RECQL4: variants seen among roughly 807,000 people sequenced by gnomAD.
RECQL4 encodes the protein ATP-dependent DNA helicase Q4.
Under a neutral mutation model 128.6 loss-of-function variants are expected in RECQL4, and 158 were observed. The ratio of observed to expected loss-of-function variants is 1.23; its 90% CI spans 1.08 to 1.40. The LOEUF (loss-of-function observed/expected upper bound fraction) is 1.40. RECQL4 is among the 40% of genes most tolerant of loss of function. The pLI is 0.00. For missense variants in RECQL4, 2,293 were observed against 1,649.8 expected (o/e 1.39, Z -6.75); for synonymous variants, 996 against 678.9 (o/e 1.47, Z -7.26).
At chr8:144,517,015 A>T in intron 4 of RECQL4, 35 bp downstream of exon 4, 1 of 1,590,400 alleles carries the variant, frequency 6.3e-7, no homozygotes, top group Non-Finnish European at 8.6e-7. Flanking sequence ...GCAGCTGTGG[A>T]CCTAGCGTGG....
rs767197754 is a variant in RECQL4 at position 144,513,045 on chromosome 8, A to C, written c.2557T>G (p.Cys853Gly). 1 of 1,578,470 alleles carries C rather than the reference A, an allele frequency of 6.3e-7. No homozygotes were observed. Among genetic ancestry groups the C allele is most frequent in the South Asian group, 1.2e-5 (1 of 86,718 alleles). ...KRLVQRVFPA[C>G]TCTCTRPPSE... ...GGCGGCCTGGTGCAGGTGCAGGTGC[A>C]GGCTGGGAACACGCGCTGTACCAGC... is the stretch of plus-strand genomic sequence containing the variant. The change falls in exon 15 of 21, where the codon TGC (cysteine) becomes GGC (glycine). Residue 853 changes from cysteine to glycine, a missense_variant. Coordinates refer to ENST00000617875, the MANE Select transcript of RECQL4 (RefSeq NM_004260.4).
rs754354054 is a variant in RECQL4, at chr8:144,515,359, G to A, written c.1357C>T (p.Leu453Phe). The A allele has an allele frequency of 3.7e-6, 6 of 1,612,788 alleles. No individual in the cohort carries two copies. Among genetic ancestry groups the A allele is most frequent in the Non-Finnish European group, 5.1e-6 (6 of 1,179,846 alleles). Residue 453 changes from leucine (L) to phenylalanine (F), a missense_variant, in exon 7 of 21, where the codon CTC becomes TTC. By Grantham distance (22) the Leu-to-Phe change is conservative. Coordinates refer to ENST00000617875, the MANE Select transcript of RECQL4 (RefSeq NM_004260.4). ...VPSLDPTVLP[L>F]YSLGPSGQLA... is the part of the protein sequence containing the mutation. ...TGCCCTGAGGGCCCCAGGGAGTAGAGTGGCAGCACGGTGGGGTCCAGGCTG... is the reference window on the plus strand; with the variant it reads ...TGCCCTGAGGGCCCCAGGGAGTAGAATGGCAGCACGGTGGGGTCCAGGCTG...
chr8:144,514,825 C>T lies in RECQL4; in HGVS notation c.1620+111G>A, dbSNP rs1038490571. 5 of 1,378,680 alleles carry T rather than the reference C, an allele frequency of 3.6e-6. No homozygotes were observed. In the South Asian group the frequency reaches 5.3e-5, roughly 15 times the overall value. The allele number at this position is 1,378,680 out of a possible 1,614,324, so 85.4% of individuals were successfully genotyped here. ...AGACTGGGACTGAGGCCACAGACAC[C>T]TTGAAGCTCCCAGGGGAGGGGGTGG... On this transcript the variant is annotated intron_variant, in intron 9 of 20. Coordinates refer to ENST00000617875, the MANE Select transcript of RECQL4 (RefSeq NM_004260.4).
rs1827154845 is a variant in RECQL4 at position 144,511,323 on chromosome 8, G to A, written c.*108C>T. 6.4e-7 allele frequency: 1 copy of A among 1,560,218 alleles called. No homozygotes were observed. ...GTGAGCATTTTTTATTCTGCATTTTGGAGCCTCCTCGTTCCCACACCCTGT... is the reference window on the plus strand; with the variant it reads ...GTGAGCATTTTTTATTCTGCATTTTAGAGCCTCCTCGTTCCCACACCCTGT... On this transcript the variant is annotated 3_prime_UTR_variant, in exon 21 of 21. Transcript: ENST00000617875.
At chr8:144,515,948 A>T in intron 5 of RECQL4, 40 bp downstream of exon 5, 1 of 1,611,584 alleles carries the variant, frequency 6.2e-7, no homozygotes, top group South Asian at 1.1e-5. Context: ...GGCTGAGGGG[A>T]GGGAAAGGGA....
chr8:144,511,681 C>G lies in RECQL4; in HGVS notation c.3502G>C (p.Gly1168Arg), dbSNP rs781543298. ...RAVARIFHGI[G>R]SPCYPAQVYG... is the part of the protein sequence containing the mutation. Reference sequence around the variant, plus strand: ...GCGGGTGGGGCCTCCCAGGCCTCACCGATGCCGTGGAAGATGCGGGCCACA... The same window carrying G: ...GCGGGTGGGGCCTCCCAGGCCTCACGGATGCCGTGGAAGATGCGGGCCACA... The change falls in exon 20 of 21, where the codon GGA (glycine) becomes CGA (arginine). Residue 1168 changes from glycine to arginine, a missense_variant and splice_region_variant. Physicochemically the swap from Gly to Arg is moderately radical, Grantham distance 125 (BLOSUM62 -2). Coordinates refer to ENST00000617875, the MANE Select transcript of RECQL4 (RefSeq NM_004260.4). The G allele has an allele frequency of 3.7e-6, 6 of 1,612,258 alleles. No individual in the cohort carries two copies. The East Asian group carries it at 6.7e-5, about 18-fold the overall frequency.
In RECQL4 at chr8:144,513,197, G is replaced by GT. The variant is rs1488596135; in HGVS notation, c.2463+20dup. 5.9e-6 allele frequency: 9 copies of GT among 1,515,824 alleles called. No homozygotes were observed. In the African/African-American group the frequency reaches 1.2e-4, roughly 20 times the overall value. The allele number at this position is 1,515,824 out of a possible 1,614,324, so 93.9% of individuals were successfully genotyped here. ...CACTGGGGGCTCGAGCACTGGCAGTGTGGGGGGGGGGGGTGCCAACCTGGG... is the reference window on the plus strand; with the variant it reads ...CACTGGGGGCTCGAGCACTGGCAGTGTTGGGGGGGGGGGGTGCCAACCTGGG... On this transcript the variant is annotated intron_variant, in intron 14 of 20. Coordinates refer to ENST00000617875, the MANE Select transcript of RECQL4 (RefSeq NM_004260.4).
chr8:144,516,933 G>A (rs574037136), intron 4 of RECQL4, 117 bp downstream of exon 4: 88 of 1,459,240 alleles, frequency 6.0e-5, no homozygotes, highest in Non-Finnish European at 7.2e-5. Context: ...CTGAAGACTC[G>A]TGCCCTGGTT....
intron 3 of RECQL4, 35 bp from the exon 4 acceptor site, chr8:144,517,225 G>C (rs1432985101): frequency 1.1e-5 from 17 of 1,563,100 alleles, no homozygotes; most frequent in Non-Finnish European, 1.5e-5. Context: ...GCCAGAAAAG[G>C]CTGTTGTGGC....
At position 144,512,238 on chromosome 8, in the gene RECQL4, TCTC is replaced by T. The variant is rs747349932; in HGVS notation, c.3139_3141del (p.Glu1047del). On this transcript the variant is annotated inframe_deletion, in exon 18 of 21. Transcript: ENST00000617875. ...TAGAGGAAGTCACATATCTGGTCCT[TCTC>T]CTCAGCGGTCAAGTCCCCCGGGCTG... 33 of 1,612,084 alleles carry T rather than the reference TCTC, an allele frequency of 2.0e-5. No individual in the cohort carries two copies. The highest frequency in any genetic ancestry group is 5.3e-5 in the African/African-American group (4 of 74,880).
chr8:144,511,327 C>T lies in RECQL4; in HGVS notation c.*104G>A, dbSNP rs1157301973. On this transcript the variant is annotated 3_prime_UTR_variant, in exon 21 of 21. Transcript: ENST00000617875. The stretch of plus-strand genomic sequence containing the variant: ...GCATTTTTTATTCTGCATTTTGGAG[C>T]CTCCTCGTTCCCACACCCTGTGGCA... The T allele has an allele frequency of 5.8e-6, 9 of 1,560,738 alleles. No individual in the cohort carries two copies. Among genetic ancestry groups the T allele is most frequent in the Non-Finnish European group, 7.8e-6 (9 of 1,149,750 alleles).
At chr8:144,516,811 C>G in intron 4 of RECQL4, 47 bp from the exon 5 acceptor site, 2 of 1,494,420 alleles carry the variant, frequency 1.3e-6, no homozygotes, top group Admixed American at 2.3e-5. Context: ...GGCCCCTGAG[C>G]TACTGTAGAC....
Position 144,514,475 on chromosome 8 carries a change from C to T in RECQL4, c.1671G>A (p.Met557Ile), listed in dbSNP as rs1564800052. 5.6e-6 allele frequency: 9 copies of T among 1,612,342 alleles called. No individual in the cohort carries two copies. Among genetic ancestry groups the T allele is most frequent in the Middle Eastern group, 1.7e-4 (1 of 6,056 alleles). ...GGACAGATTCCCGTTGCTTCCTGGT[C>T]ATGCCCGAGTGTATGCAGGCCGCCT... ...CLKAACIHSG[M>I]TRKQRESVLQ... Residue 557 changes from methionine to isoleucine, a missense_variant, in exon 10 of 21, where the codon ATG (methionine) becomes ATA (isoleucine). By Grantham distance (10) the Met-to-Ile change is conservative. Transcript: ENST00000617875.
At position 144,516,087 on chromosome 8, in the gene RECQL4, C is replaced by T. The variant is rs1449922805; in HGVS notation, c.1032G>A (p.Arg344=). The T allele has an allele frequency of 5.0e-6, 8 of 1,612,664 alleles. No individual in the cohort carries two copies. Among genetic ancestry groups the T allele is most frequent in the Non-Finnish European group, 6.8e-6 (8 of 1,179,868 alleles). ...EGTAPLHIFP[R]LARHDRGNYV... ...AATTGCCCCTGTCATGGCGGGCCAG[C>T]CGAGGGAAGATGTGCAGGGGGGCTG... Residue 344 remains arginine (R), a synonymous_variant, in exon 5 of 21, where the codon CGG becomes CGA. Transcript: ENST00000617875.
rs759772792 is a variant in RECQL4, at chr8:144,512,696, T to G, written c.2831A>C (p.His944Pro). ...WLELLATTYT[H>P]CRLNCPGGPA... ...GCCCCCAGGGCAGTTCAGACGGCAA[T>G]GGGTATAGGTGGTCGCCAGCAGCTC... is the stretch of plus-strand genomic sequence containing the variant. Residue 944 changes from histidine (H) to proline (P), a missense_variant, in exon 16 of 21, where the codon CAT becomes CCT. His to Pro is a moderately conservative substitution (Grantham distance 77, BLOSUM62 -2). Transcript: ENST00000617875. 2.5e-6 allele frequency: 4 copies of G among 1,612,210 alleles called. No individual in the cohort carries two copies. In the East Asian group the frequency reaches 6.7e-5, roughly 27 times the overall value.
chr8:144,512,672 C>T lies in RECQL4; in HGVS notation c.2855G>A (p.Gly952Asp), dbSNP rs776281689. 1.2e-5 allele frequency: 20 copies of T among 1,612,518 alleles called. No individual in the cohort carries two copies. The South Asian group carries it at 2.1e-4, about 17-fold the overall frequency. Residue 952 changes from glycine (G) to aspartate (D), a missense_variant, in exon 16 of 21, where the codon GGC becomes GAC. Physicochemically the swap from Gly to Asp is moderately conservative, Grantham distance 94. Coordinates refer to ENST00000617875, the MANE Select transcript of RECQL4 (RefSeq NM_004260.4). ...GGCCAGGGCCTGGAGCTGGGCAGGGCCCCCAGGGCAGTTCAGACGGCAATG... is the reference window on the plus strand; with the variant it reads ...GGCCAGGGCCTGGAGCTGGGCAGGGTCCCCAGGGCAGTTCAGACGGCAATG... ...YTHCRLNCPG[G>D]PAQLQALAHR...
In RECQL4 at chr8:144,513,327, G is replaced by T; in HGVS notation, c.2354C>A (p.Ala785Asp). The change falls in exon 14 of 21, where the codon GCT becomes GAT. Residue 785 changes from alanine to aspartate, a missense_variant. Coordinates refer to ENST00000617875, the MANE Select transcript of RECQL4 (RefSeq NM_004260.4). ...GMGLDRPDVR[A>D]VLHLGLPPSF... ...TGGGGGCAGCCCCAGATGCAGCACA[G>T]CCCGCACATCTGGCCGGTCCAGCCC... is the stretch of plus-strand genomic sequence containing the variant. The T allele has an allele frequency of 6.2e-7, 1 of 1,603,088 alleles. No homozygotes were observed.
intron 6 of RECQL4, 116 bp from the exon 7 acceptor site, chr8:144,515,573 C>G: frequency 6.6e-7 from 1 of 1,525,828 alleles, no homozygotes; most frequent in Non-Finnish European, 9.0e-7. Flanking sequence ...TTCCTCTGGG[C>G]TACTTTTTCC....
intron 20 of RECQL4, 63 bp from the exon 21 acceptor site, chr8:144,511,618 C>G (rs1017854921): frequency 1.2e-6 from 2 of 1,608,740 alleles, no homozygotes; most frequent in Non-Finnish European, 1.7e-6. Flanking sequence ...TGGAGCCTCC[C>G]AGGCCTCACC....
Sources: gnomAD v4.1 joint callset for allele counts on GRCh38, gnomAD v4.1.1 for gene constraint, MANE v1.5 for transcripts, NCBI Gene and HGNC (gene_info 2026-07-23, HGNC 2026-07-21) for gene names.